GLI2: variants seen among roughly 807,000 people sequenced by gnomAD.
GLI2 encodes the protein GLI family zinc finger 2.
A neutral mutation model predicts 78.9 loss-of-function variants in GLI2; 22 were observed. The ratio of observed to expected loss-of-function variants is 0.28; its 90% CI spans 0.20 to 0.40. The LOEUF is 0.40. GLI2 is among the 10% of genes least tolerant of loss of function. The pLI is 1.00. For synonymous variants in GLI2, 974 were observed against 963.7 expected (o/e 1.01, Z -0.20); for missense variants, 2,097 against 2,213.2 (o/e 0.95, Z 1.05).
intron 1 of GLI2, among the ~76,000 whole-genome samples, chr2:120,738,289 C>A (rs1433901140): frequency 6.6e-6 from 1 of 152,162 alleles, no homozygotes; most frequent in African/African-American, 2.4e-5. Flanking sequence ...CTTCATCGTT[C>A]TTGCTTTTGT....
chr2:120,829,757 T>G (rs1409442609), intron 2 of GLI2, among the ~76,000 whole-genome samples: 2 of 152,170 alleles, frequency 1.3e-5, no homozygotes, highest in Non-Finnish European at 2.9e-5. Context: ...GGAGGGCCTA[T>G]GTGGGCCTTG....
At chr2:120,803,497 G>A (rs1217673539) in intron 2 of GLI2, among the ~76,000 whole-genome samples, 1 of 152,186 alleles carries the variant, frequency 6.6e-6, no homozygotes, top group Non-Finnish European at 1.5e-5. Context: ...GGTAACCCTT[G>A]CCTGCTGACC....
chr2:120,813,190 C>G (rs1007220372), intron 2 of GLI2, among the ~76,000 whole-genome samples: 2 of 152,188 alleles, frequency 1.3e-5, no homozygotes, highest in Non-Finnish European at 2.9e-5. Flanking sequence ...GCATCTGTTC[C>G]CAAGGAGGAA....
In GLI2 at chr2:120,883,640, A is replaced by G. The variant is rs568381689; in HGVS notation, c.149-43721A>G. Among the ~76,000 whole-genome samples the G allele has an allele frequency of 1.5e-4, 23 of 152,342 alleles. No homozygotes were observed. The Middle Eastern group carries it at 0.01, about 68-fold the overall frequency. On this transcript the variant is annotated intron_variant, in intron 2 of 13. Transcript: ENST00000361492. ...GTCTCATGAGGGTAGTTATTATTGT[A>G]ATCCTGTTTAACAGATGAGGAAACC...
intron 2 of GLI2, among the ~76,000 whole-genome samples, chr2:120,839,274 G>C (rs1028655780): frequency 6.6e-6 from 1 of 152,106 alleles, no homozygotes; most frequent in Non-Finnish European, 1.5e-5. Context: ...ATGTTACAAA[G>C]TTTGGAAAAA....
In GLI2 at chr2:120,833,068, G is replaced by A. The variant is rs538299311; in HGVS notation, c.148+35600G>A. 9.9e-5 allele frequency among the ~76,000 whole-genome samples: 15 copies of A among 152,076 alleles called. No individual in the cohort carries two copies. The East Asian group carries it at 3.0e-3, about 30-fold the overall frequency. ...GCCTCTTACCAGCCTGGATTGCTCT[G>A]GGACTCTTCCTCTCCCAGCCCACCT... On this transcript the variant is annotated intron_variant, in intron 2 of 13. Transcript: ENST00000361492.
At chr2:120,960,566 A>G (rs1681504691) in intron 5 of GLI2, among the ~76,000 whole-genome samples, 2 of 152,256 alleles carry the variant, frequency 1.3e-5, no homozygotes, top group African/African-American at 4.8e-5. Context: ...GGTTCTTCAA[A>G]TGGAACTTTG....
chr2:120,959,674 T>A (rs1452666552), intron 5 of GLI2, among the ~76,000 whole-genome samples: 1 of 151,284 alleles, frequency 6.6e-6, no homozygotes. Flanking sequence ...CTGTGGGGTG[T>A]CCCCCGGCCC....
rs1479946422 is a variant in GLI2, at chr2:120,990,369, C to G, written c.4404C>G (p.Pro1468=). 1 of 1,614,094 alleles carries G rather than the reference C, an allele frequency of 6.2e-7. No homozygotes were observed. The highest frequency in any genetic ancestry group is 8.5e-7 in the Non-Finnish European group (1 of 1,180,036). The change falls in exon 14 of 14, where the codon CCC becomes CCG. Residue 1468 remains proline (P), a synonymous_variant. Coordinates refer to ENST00000361492, the MANE Select transcript of GLI2 (RefSeq NM_001374353.1). ...QPQACQDSIQ[P]QPLPSPGVNQ... ...AGGCCTGTCAGGACAGCATCCAGCCCCAGCCCTTGCCCTCACCAGGGGTCA... is the reference window on the plus strand; with the variant it reads ...AGGCCTGTCAGGACAGCATCCAGCCGCAGCCCTTGCCCTCACCAGGGGTCA...
At chr2:120,975,930 G>T (rs1372724151) in intron 9 of GLI2, among the ~76,000 whole-genome samples, 2 of 152,186 alleles carry the variant, frequency 1.3e-5, no homozygotes, top group East Asian at 3.9e-4. Context: ...CCCCACAGGA[G>T]GGTCAATCAT....
intron 7 of GLI2, among the ~76,000 whole-genome samples, chr2:120,971,717 G>A (rs766751389): frequency 1.3e-5 from 2 of 152,318 alleles, no homozygotes; most frequent in East Asian, 1.9e-4. Flanking sequence ...TTGGGGAGGC[G>A]GTGATGGAGA....
intron 5 of GLI2, among the ~76,000 whole-genome samples, chr2:120,958,625 C>T (rs113038864): frequency 2.6e-5 from 4 of 152,318 alleles, no homozygotes; most frequent in South Asian, 2.1e-4. Flanking sequence ...TTAGAACCCC[C>T]GTCCAGAGGC....
chr2:120,787,684 C>T (rs936145000), intron 1 of GLI2, among the ~76,000 whole-genome samples: 11 of 152,216 alleles, frequency 7.2e-5, no homozygotes, highest in South Asian at 2.1e-4. Flanking sequence ...CTGGGTCTGG[C>T]GGGCCGGCCA....
chr2:120,801,973 G>T (rs1320171943), intron 2 of GLI2, among the ~76,000 whole-genome samples: 2 of 152,140 alleles, frequency 1.3e-5, no homozygotes, highest in South Asian at 2.1e-4. Flanking sequence ...CCTTAATTTA[G>T]GTCCTACTGC....
intron 2 of GLI2, among the ~76,000 whole-genome samples, chr2:120,873,410 C>T (rs1358885625): frequency 6.6e-6 from 1 of 152,100 alleles, no homozygotes; most frequent in African/African-American, 2.4e-5. Flanking sequence ...AGAACAACAA[C>T]AAAAATGTGA....
chr2:120,889,727 G>C (rs1307400006), intron 2 of GLI2, among the ~76,000 whole-genome samples: 1 of 152,166 alleles, frequency 6.6e-6, no homozygotes, highest in African/African-American at 2.4e-5. Context: ...CACATGAAAA[G>C]GTGTTCAACT....
intron 2 of GLI2, among the ~76,000 whole-genome samples, chr2:120,863,835 A>C (rs55817533): frequency 0.22 from 33,714 of 152,142 alleles, 5,206 homozygotes; most frequent in African/African-American, 0.44. Context: ...GGCGAGGCCG[A>C]GGCAGCCCTT....
chr2:120,974,907 C>T lies in GLI2; in HGVS notation c.1183-68C>T, dbSNP rs756465682. On this transcript the variant is annotated intron_variant, in intron 8 of 13. Coordinates refer to ENST00000361492, the MANE Select transcript of GLI2 (RefSeq NM_001374353.1). ...CTTGGCACAGAATGCATGGGACTAA[C>T]AGCGACCTCTTTTCAGGGCCAGGTG... is the stretch of plus-strand genomic sequence containing the variant. 1.2e-6 allele frequency: 2 copies of T among 1,613,564 alleles called. No homozygotes were observed. The highest frequency in any genetic ancestry group is 1.7e-6 in the Non-Finnish European group (2 of 1,179,700).
chr2:120,978,351 G>A, intron 9 of GLI2, 83 bp from the exon 10 acceptor site: 1 of 1,507,740 alleles, frequency 6.6e-7, no homozygotes, highest in Admixed American at 1.7e-5. Flanking sequence ...GGGGGTGCCG[G>A]TGCAGGTGGT....
Sources: gnomAD v4.1 joint callset for allele counts (sites outside exome capture counted in the v4.1 genomes callset) on GRCh38, gnomAD v4.1.1 for gene constraint, MANE v1.5 for transcripts, NCBI Gene and HGNC (gene_info 2026-07-23, HGNC 2026-07-21) for gene names.